The following GPSM2 variants were observed in gnomAD, a reference collection of about 807,000 sequenced individuals.
The protein encoded by GPSM2 is G protein signaling modulator 2.
In GPSM2, 58 loss-of-function variants were observed where a neutral mutation model predicts 78.4. The observed-to-expected ratio is 0.74, with a 90% CI of 0.60 to 0.92. The LOEUF (loss-of-function observed/expected upper bound fraction) is 0.92. Ranked by LOEUF, GPSM2 falls within the 40% of genes least tolerant of loss-of-function variation. The probability of loss-of-function intolerance (pLI) is 0.00; values close to 1 mark genes in which losing one functional copy is unlikely to be tolerated. For missense variants in GPSM2, 700 were observed against 815.5 expected, an observed-to-expected ratio of 0.86 and a Z score of 1.73; for synonymous variants, 224 against 280.2, an observed-to-expected ratio of 0.80 and a Z score of 2.00.
chr1:108,897,474 GTTT>G lies in GPSM2; in HGVS notation c.279-14_279-12del. ...AATACCATTTGGTTTTTTGTTTTTT[GTTT>G]TTTGTTTTTTTCAGGACTATTGGAG... On this transcript the variant is annotated splice_polypyrimidine_tract_variant and intron_variant, in intron 3 of 14. Coordinates refer to ENST00000264126, the MANE Select transcript of GPSM2 (RefSeq NM_013296.5). The G allele has an allele frequency of 6.3e-7, 1 of 1,591,626 alleles. No individual in the cohort carries two copies. Among genetic ancestry groups the G allele is most frequent in the African/African-American group, 1.4e-5 (1 of 74,064 alleles).
intron 2 of GPSM2, among the ~76,000 whole-genome samples, chr1:108,895,827 G>A (rs1410825435): frequency 2.0e-5 from 3 of 152,102 alleles, no homozygotes; most frequent in Non-Finnish European, 4.4e-5. Context: ...TGGAAAAATT[G>A]TCTTCCACAA....
At position 108,933,447 on chromosome 1, in the gene GPSM2, A is replaced by G. The variant is rs1452337481; in HGVS notation, c.*3507A>G. ...CATGAGCCACTGCACCTGGCCTAAA[A>G]TTACATTGTTACAGGCACGTAAGTA... On this transcript the variant is annotated 3_prime_UTR_variant, in exon 15 of 15. Transcript: ENST00000264126. 2 of 149,214 alleles carry G rather than the reference A, an allele frequency of 1.3e-5. No individual in the cohort carries two copies. The highest frequency in any genetic ancestry group is 5.0e-5 in the African/African-American group (2 of 40,168). The allele number at this position is 149,214 out of a possible 1,614,324, so 9.2% of individuals were successfully genotyped here.
intron 10 of GPSM2, among the ~76,000 whole-genome samples, chr1:108,905,984 C>T (rs1016797182): frequency 9.9e-5 from 15 of 152,088 alleles, no homozygotes; most frequent in African/African-American, 3.6e-4. Context: ...TTTATATTGT[C>T]TATATACTGA....
At chr1:108,891,281 G>A (rs771524749) in intron 2 of GPSM2, among the ~76,000 whole-genome samples, 25 of 152,140 alleles carry the variant, frequency 1.6e-4, no homozygotes, top group Non-Finnish European at 3.1e-4. Flanking sequence ...CAGATATGGT[G>A]TTGAATTCTT....
chr1:108,928,590 C>A (rs963516544), intron 14 of GPSM2, among the ~76,000 whole-genome samples: 1 of 152,200 alleles, frequency 6.6e-6, no homozygotes, highest in African/African-American at 2.4e-5. Context: ...TATCACACTT[C>A]TATTCTTACT....
Position 108,918,400 on chromosome 1 carries a change from G to A in GPSM2, c.1264-213G>A, listed in dbSNP as rs1052597081. ...GGTTCTTAAAAACCAGCATTTTAATGTTTTGATAATGAGAATCCACAGTAT... is the reference window on the plus strand; with the variant it reads ...GGTTCTTAAAAACCAGCATTTTAATATTTTGATAATGAGAATCCACAGTAT... On this transcript the variant is annotated intron_variant, in intron 11 of 14. Transcript: ENST00000264126. 9.9e-5 allele frequency among the ~76,000 whole-genome samples: 15 copies of A among 152,222 alleles called. No homozygotes were observed. The East Asian group carries it at 2.9e-3, about 29-fold the overall frequency.
intron 14 of GPSM2, among the ~76,000 whole-genome samples, chr1:108,928,466 C>G (rs1247123753): frequency 6.6e-6 from 1 of 152,192 alleles, no homozygotes; most frequent in Non-Finnish European, 1.5e-5. Flanking sequence ...GGAGGTGGCA[C>G]TCACTTAGGA....
intron 14 of GPSM2, among the ~76,000 whole-genome samples, chr1:108,927,814 T>A (rs111284873): frequency 1.3e-3 from 197 of 152,046 alleles, no homozygotes; most frequent in African/African-American, 4.3e-3. Flanking sequence ...TATAAAAAAA[T>A]TTTTTTAAAT....
At chr1:108,897,903 A>G in intron 4 of GPSM2, 56 bp from the exon 5 acceptor site, 2 of 1,568,636 alleles carry the variant, frequency 1.3e-6, no homozygotes, top group Non-Finnish European at 1.8e-6. Context: ...ACAAATATAT[A>G]TGATAAACCT....
intron 12 of GPSM2, 71 bp from the exon 13 acceptor site, chr1:108,922,346 T>C (rs1650774998): frequency 1.4e-5 from 15 of 1,094,030 alleles, no homozygotes; most frequent in African/African-American, 3.1e-5. Context: ...GAATGCATCA[T>C]GATGTTCATT....
At chr1:108,900,921 A>G (rs1315790956) in intron 7 of GPSM2, among the ~76,000 whole-genome samples, 2 of 152,236 alleles carry the variant, frequency 1.3e-5, no homozygotes, top group African/African-American at 4.8e-5. Flanking sequence ...TGAAGTAATT[A>G]TACTATTTGA....
At chr1:108,885,616 CTTATT>C (rs767966524) in intron 2 of GPSM2, 38 bp downstream of exon 2, 1 of 1,253,930 alleles carries the variant, frequency 8.0e-7, no homozygotes, top group South Asian at 1.2e-5. Flanking sequence ...ACTTTTAATC[CTTATT>C]TTAAAGTGTT....
chr1:108,911,859 G>A (rs899564675), intron 10 of GPSM2, among the ~76,000 whole-genome samples: 2 of 135,332 alleles, frequency 1.5e-5, no homozygotes, highest in African/African-American at 5.7e-5. Flanking sequence ...AGGCGGAACT[G>A]CAGTGGAGTC....
chr1:108,882,479 A>T (rs1055307891), intron 1 of GPSM2: 5 of 152,226 alleles, frequency 3.3e-5, no homozygotes, highest in Admixed American at 3.3e-4. Context: ...TGTTTAGGGA[A>T]CAATGCCAAG....
intron 12 of GPSM2, 69 bp downstream of exon 12, chr1:108,918,858 C>A (rs1650478799): frequency 5.1e-6 from 5 of 971,574 alleles, no homozygotes; most frequent in Non-Finnish European, 8.4e-6. Context: ...TGTATTCATG[C>A]TGAATTTTTA....
At chr1:108,929,013 T>C (rs1651421854) in intron 14 of GPSM2, among the ~76,000 whole-genome samples, 1 of 141,172 alleles carries the variant, frequency 7.1e-6, no homozygotes, top group South Asian at 2.2e-4. Context: ...AAAAATTCAT[T>C]CTGGGCTATT....
chr1:108,915,048 G>A (rs1043161030), intron 11 of GPSM2, among the ~76,000 whole-genome samples: 3 of 151,924 alleles, frequency 2.0e-5, no homozygotes, highest in Non-Finnish European at 4.4e-5. Flanking sequence ...ACTTTTTTCC[G>A]TTTCCTTTGA....
chr1:108,898,022 G>C lies in GPSM2; in HGVS notation c.478G>C (p.Gly160Arg), dbSNP rs1557862489. The C allele has an allele frequency of 1.2e-6, 2 of 1,613,710 alleles. No individual in the cohort carries two copies. The highest frequency in any genetic ancestry group is 1.7e-6 in the Non-Finnish European group (2 of 1,179,610). ...GTATCATGCCAAAGGGAAAAGTTTT[G>C]GTTGCCCTGGTCCCCAGGATGTAGG... The part of the protein sequence containing the change: ...NVYHAKGKSF[G>R]CPGPQDVGEF... The change falls in exon 5 of 15, where the codon GGT becomes CGT. Residue 160 changes from glycine (G) to arginine (R), a missense_variant. Physicochemically the swap from Gly to Arg is moderately radical, Grantham distance 125. Coordinates refer to ENST00000264126, the MANE Select transcript of GPSM2 (RefSeq NM_013296.5).
At chr1:108,914,577 C>T (rs1027266220) in intron 11 of GPSM2, among the ~76,000 whole-genome samples, 169 bp downstream of exon 11, 9 of 151,872 alleles carry the variant, frequency 5.9e-5, no homozygotes, top group Admixed American at 1.3e-4. Context: ...GAATGAGTAC[C>T]GTATGCTGCC....
Sources: allele counts gnomAD v4.1 joint callset (sites outside exome capture counted in the v4.1 genomes callset), GRCh38; gene constraint gnomAD v4.1.1; transcripts MANE v1.5; gene names NCBI Gene and HGNC (gene_info 2026-07-23, HGNC 2026-07-21).